The following EML1 variants were observed in gnomAD, a reference collection of about 807,000 sequenced individuals.
EML1 encodes echinoderm microtubule-associated protein-like 1.
In EML1, 27 loss-of-function variants were observed where a neutral mutation model predicts 110.4. The observed-to-expected ratio is 0.24, with a 90% CI of 0.18 to 0.34. The LOEUF is 0.34. Among genes scored for constraint, EML1 ranks in the 10% least tolerant of loss-of-function variants. The pLI, the probability that EML1 is intolerant of heterozygous loss-of-function variation, is 1.00. For missense variants in EML1, 741 were observed against 1,030.9 expected, an observed-to-expected ratio of 0.72 and a Z score of 3.85; for synonymous variants, 344 against 385.8, an observed-to-expected ratio of 0.89 and a Z score of 1.27.
rs759392253 is a variant in EML1, at chr14:99,862,760, G to A, written c.251-2754G>A. ...TTCTTTACTTTCTGGCACCACAGAA[G>A]ACTCCAGATTCATGTGCTCCCTGCC... On this transcript the variant is annotated intron_variant, in intron 2 of 21. Transcript: ENST00000262233. 6.0e-4 allele frequency among the ~76,000 whole-genome samples: 92 copies of A among 152,204 alleles called. 2 individuals carry two copies. Among genetic ancestry groups the A allele is most frequent in the Admixed American group, 1.6e-3 (25 of 15,288 alleles).
Position 99,917,595 on chromosome 14 carries a change from T to C in EML1, c.1753-187T>C, listed in dbSNP as rs192443520. Among the ~76,000 whole-genome samples the C allele has an allele frequency of 2.0e-5, 3 of 152,264 alleles. No homozygotes were observed. In the East Asian group the frequency reaches 5.8e-4, roughly 29 times the overall value. On this transcript the variant is annotated intron_variant, in intron 15 of 21. Coordinates refer to ENST00000262233, the MANE Select transcript of EML1 (RefSeq NM_004434.3). ...GGGGGTAGGTAGAAATTTAGCATTA[T>C]TGAAACGCAGCATTCATTCAAGCAG...
chr14:99,878,283 G>T, intron 3 of EML1, among the ~76,000 whole-genome samples: 1 of 152,132 alleles, frequency 6.6e-6, no homozygotes, highest in East Asian at 1.9e-4. Flanking sequence ...AACTGTGCTA[G>T]TGGCCTCAGT....
intron 1 of EML1, among the ~76,000 whole-genome samples, chr14:99,841,386 C>T (rs544066571): frequency 6.6e-6 from 1 of 152,178 alleles, no homozygotes; most frequent in South Asian, 2.1e-4. Flanking sequence ...GTCTGTATGC[C>T]GTCATAGTAT....
At chr14:99,783,803 A>G (rs1247805501) in intron 1 of EML1, among the ~76,000 whole-genome samples, 3 of 152,172 alleles carry the variant, frequency 2.0e-5, no homozygotes, top group Non-Finnish European at 4.4e-5. Flanking sequence ...ACTATTAATG[A>G]GCACCCAGGA....
upstream of EML1, among the ~76,000 whole-genome samples, chr14:99,793,160 G>A (rs1185381070): frequency 6.8e-6 from 1 of 147,720 alleles, no homozygotes; most frequent in African/African-American, 2.4e-5. Flanking sequence ...GCGGCTCCCA[G>A]GCCGCCCGGG....
chr14:99,778,870 T>A (rs1208305716), intron 1 of EML1, among the ~76,000 whole-genome samples: 1 of 152,238 alleles, frequency 6.6e-6, no homozygotes, highest in Non-Finnish European at 1.5e-5. Flanking sequence ...TAATTCTTTG[T>A]CTGAGACTGT....
chr14:99,771,907 T>C (rs559527538), upstream of EML1, among the ~76,000 whole-genome samples: 3 of 152,376 alleles, frequency 2.0e-5, no homozygotes, highest in South Asian at 6.2e-4. Context: ...CTTGCCTATG[T>C]CATACCTTTT....
At chr14:99,907,514 G>A in intron 9 of EML1, 124 bp from the exon 10 acceptor site, 1 of 793,580 alleles carries the variant, frequency 1.3e-6, no homozygotes, top group Non-Finnish European at 2.0e-6. Context: ...AGCAATGGAT[G>A]AGTATTCTTT....
At chr14:99,899,754 T>C (rs959648232) in intron 8 of EML1, among the ~76,000 whole-genome samples, 1 of 152,190 alleles carries the variant, frequency 6.6e-6, no homozygotes, top group Non-Finnish European at 1.5e-5. Flanking sequence ...GAAAAATTCT[T>C]TGAAATTAGT....
chr14:99,901,145 A>T, intron 9 of EML1, 106 bp downstream of exon 9: 2 of 950,392 alleles, frequency 2.1e-6, no homozygotes, highest in South Asian at 2.8e-5. Flanking sequence ...GCCTGGGTGT[A>T]TGTACAGATT....
At chr14:99,931,066 A>G (rs2060358299) in intron 17 of EML1, among the ~76,000 whole-genome samples, 1 of 152,166 alleles carries the variant, frequency 6.6e-6, no homozygotes, top group Admixed American at 6.5e-5. Context: ...GTGCTGATGC[A>G]ACCCCTGCCA....
exon 1 of EML1, chr14:99,737,838 G>A (rs373070475): frequency 1.1e-5 from 14 of 1,289,168 alleles, no homozygotes; most frequent in African/African-American, 9.1e-5. Flanking sequence ...ACACCATGTC[G>A]GACGGCGAGG....
rs376897942 is a variant in EML1, at chr14:99,737,825, T to G, written c.-8T>G. ...CTGGTGGCCAGCCGGCCGCCCATCT[T>G]CCACACCATGTCGGACGGCGAGGGC... On this transcript the variant is annotated 5_prime_UTR_variant, in exon 1 of 11. Coordinates refer to the EML1 transcript ENST00000554479. The G allele has an allele frequency of 3.1e-6, 4 of 1,289,290 alleles. 1 individual carries two copies. In the African/African-American group the frequency reaches 6.1e-5, roughly 20 times the overall value. The allele number at this position is 1,289,290 out of a possible 1,614,324, so 79.9% of individuals were successfully genotyped here.
chr14:99,890,189 G>A (rs2059563001), intron 4 of EML1, among the ~76,000 whole-genome samples: 1 of 152,142 alleles, frequency 6.6e-6, no homozygotes, highest in Non-Finnish European at 1.5e-5. Context: ...GCACTATGGT[G>A]CCTTATGGGT....
chr14:99,842,153 G>A (rs1039107610), intron 1 of EML1, among the ~76,000 whole-genome samples: 34 of 152,182 alleles, frequency 2.2e-4, no homozygotes, highest in African/African-American at 7.2e-4. Context: ...AAGTTTTATT[G>A]GTGCTGCATT....
intron 1 of EML1, among the ~76,000 whole-genome samples, chr14:99,842,941 CA>C (rs2058654759): frequency 6.6e-6 from 1 of 152,076 alleles, no homozygotes; most frequent in Non-Finnish European, 1.5e-5. Context: ...ACGAACAACC[CA>C]AAAATGTCAT....
At chr14:99,748,100 G>A (rs972173800) in intron 1 of EML1, among the ~76,000 whole-genome samples, 26 of 152,196 alleles carry the variant, frequency 1.7e-4, no homozygotes, top group Admixed American at 4.6e-4. Flanking sequence ...TGCCCGGGCA[G>A]GAGGTGTGGC....
intron 1 of EML1, among the ~76,000 whole-genome samples, chr14:99,744,847 G>C (rs1175949000): frequency 6.6e-6 from 1 of 152,226 alleles, no homozygotes; most frequent in African/African-American, 2.4e-5. Context: ...GTACAAAAGA[G>C]GGTGTTGGAA....
chr14:99,782,246 T>C (rs976364163), intron 1 of EML1, among the ~76,000 whole-genome samples: 4 of 152,154 alleles, frequency 2.6e-5, no homozygotes, highest in African/African-American at 9.6e-5. Flanking sequence ...CTGACAGGAC[T>C]GGGTTTAAAT....
Sources: gnomAD v4.1 joint callset for allele counts (sites outside exome capture counted in the v4.1 genomes callset) on GRCh38, gnomAD v4.1.1 for gene constraint, MANE v1.5 for transcripts, NCBI Gene and HGNC (gene_info 2026-07-23, HGNC 2026-07-21) for gene names.